CPNE4: variants seen among roughly 807,000 people sequenced by gnomAD.
CPNE4 encodes the protein copine 4.
CPNE4 carries 25 observed loss-of-function variants against 67.9 expected under a neutral mutation model. The observed-to-expected ratio is 0.37, with a 90% CI of 0.27 to 0.51. The LOEUF (loss-of-function observed/expected upper bound fraction) is 0.51. Ranked by LOEUF, CPNE4 falls within the 20% of genes least tolerant of loss-of-function variation. CPNE4 has a pLI of 0.93. For synonymous variants in CPNE4, 242 were observed against 244.9 expected (o/e 0.99, Z 0.11); for missense variants, 464 against 690.8 (o/e 0.67, Z 3.68).
At chr3:131,808,174 G>A (rs2084389821) in intron 2 of CPNE4, among the ~76,000 whole-genome samples, 1 of 151,984 alleles carries the variant, frequency 6.6e-6, no homozygotes, top group African/African-American at 2.4e-5. Context: ...TGTCCTAAAC[G>A]GAATGTCCAT....
At chr3:131,996,558 G>C (rs1486443801) in intron 1 of CPNE4, among the ~76,000 whole-genome samples, 5 of 151,884 alleles carry the variant, frequency 3.3e-5, no homozygotes. Context: ...ACACCACCAA[G>C]CCTAGCGGAG....
At chr3:131,906,218 G>GTTGTT (rs752424318) in intron 1 of CPNE4, among the ~76,000 whole-genome samples, 7 of 130,606 alleles carry the variant, frequency 5.4e-5, no homozygotes, top group South Asian at 2.4e-4. Context: ...TTTTGTTGTT[G>GTTGTT]TTGTTTTGTT....
chr3:131,596,723 G>A (rs1049570996), intron 7 of CPNE4, among the ~76,000 whole-genome samples: 15 of 149,566 alleles, frequency 1.0e-4, no homozygotes, highest in Admixed American at 2.0e-4. Context: ...CTTAAAAGCA[G>A]CACTGAGGCT....
At position 131,587,508 on chromosome 3, in the gene CPNE4, C is replaced by T. The variant is rs553114605; in HGVS notation, c.756G>A (p.Met252Ile). ...IGEFTSTFKE[M>I]RGAMEGKQVQ... is the part of the protein sequence containing the mutation. The stretch of plus-strand genomic sequence containing the variant: ...CCTGTTTCCCTTCCATTGCTCCTCT[C>T]ATCTCCTTGAATGTCGAGGTGAATT... The change falls in exon 8 of 16, where the codon ATG becomes ATA. Residue 252 changes from methionine (M) to isoleucine (I), a missense_variant. Around this residue, in one of 6 missense-constraint regions of CPNE4, gnomAD observed 26 missense variants for 24.0 expected, o/e 1.08. Transcript: ENST00000429747. The T allele has an allele frequency of 6.2e-7, 1 of 1,613,842 alleles. No homozygotes were observed. The highest frequency in any genetic ancestry group is 1.3e-5 in the African/African-American group (1 of 75,036).
At chr3:131,706,713 T>A (rs1429558895) in intron 3 of CPNE4, among the ~76,000 whole-genome samples, 1 of 152,212 alleles carries the variant, frequency 6.6e-6, no homozygotes. Flanking sequence ...TTGCCATCTT[T>A]TCTTTGACGC....
chr3:131,627,794 A>G (rs1034873965), intron 7 of CPNE4, among the ~76,000 whole-genome samples: 1 of 152,218 alleles, frequency 6.6e-6, no homozygotes, highest in Non-Finnish European at 1.5e-5. Flanking sequence ...CTAGAATTAG[A>G]AGTAGAACCT....
intron 2 of CPNE4, among the ~76,000 whole-genome samples, chr3:131,861,745 TC>T (rs142444343): frequency 0.076 from 11,617 of 152,162 alleles, 575 homozygotes; most frequent in East Asian, 0.17. Flanking sequence ...GGATATCTCA[TC>T]TTTTTAAAGG....
rs781399641 is a variant in CPNE4 at position 132,034,423 on chromosome 3, AAAC to A, written c.-2+141_-2+143del. The stretch of plus-strand genomic sequence containing the variant: ...AGACGTTGCTTGCTGCTGCTTTTTA[AAAC>A]AACAACAGCAATGACAAACGTGCAA... On this transcript the variant is annotated intron_variant, in intron 1 of 15. Transcript: ENST00000429747. The A allele has an allele frequency of 4.0e-5, 9 of 226,306 alleles. No homozygotes were observed. In the East Asian group the frequency reaches 7.3e-4, roughly 18 times the overall value. 14.0% of individuals were successfully genotyped at this position (226,306 alleles called of 1,614,324 possible).
intron 7 of CPNE4, among the ~76,000 whole-genome samples, chr3:131,610,525 C>A (rs1379267554): frequency 6.6e-6 from 1 of 152,056 alleles, no homozygotes; most frequent in Non-Finnish European, 1.5e-5. Flanking sequence ...AAATCCTTAC[C>A]AGTGACTGAC....
At chr3:131,567,947 AG>A (rs1937140264) in intron 10 of CPNE4, among the ~76,000 whole-genome samples, 1 of 152,028 alleles carries the variant, frequency 6.6e-6, no homozygotes, top group Non-Finnish European at 1.5e-5. Context: ...TCAGGCCTCT[AG>A]GGTTTCCACT....
intron 1 of CPNE4, among the ~76,000 whole-genome samples, chr3:131,976,995 T>G (rs2072675456): frequency 6.6e-6 from 1 of 151,958 alleles, no homozygotes; most frequent in Non-Finnish European, 1.5e-5. Context: ...AGAGATGGGA[T>G]TTCATCATGT....
intron 7 of CPNE4, among the ~76,000 whole-genome samples, chr3:131,664,404 A>G (rs2080207527): frequency 6.6e-6 from 1 of 152,212 alleles, no homozygotes; most frequent in African/African-American, 2.4e-5. Flanking sequence ...TAAGAGGTAC[A>G]TATTTCTGGG....
intron 2 of CPNE4, among the ~76,000 whole-genome samples, chr3:131,774,111 C>G (rs2083236266): frequency 6.6e-6 from 1 of 152,114 alleles, no homozygotes; most frequent in African/African-American, 2.4e-5. Context: ...ATAGTCATTA[C>G]TCACTTCTTC....
chr3:131,748,493 A>T (rs1429193499), intron 2 of CPNE4, among the ~76,000 whole-genome samples: 1 of 151,962 alleles, frequency 6.6e-6, no homozygotes, highest in South Asian at 2.1e-4. Context: ...TTTATTTTCT[A>T]GAAGAGATTG....
chr3:131,882,078 G>A (rs897175363), intron 2 of CPNE4, among the ~76,000 whole-genome samples: 7 of 151,904 alleles, frequency 4.6e-5, no homozygotes, highest in African/African-American at 1.2e-4. Context: ...CAAGTACAGC[G>A]ATCCTTCAGA....
intron 2 of CPNE4, among the ~76,000 whole-genome samples, chr3:131,761,210 C>CT (rs151161125): frequency 0.05 from 5,926 of 119,358 alleles, 466 homozygotes; most frequent in African/African-American, 0.16. Flanking sequence ...TCACTTCGTA[C>CT]TTTTTTTTTT....
intron 2 of CPNE4, among the ~76,000 whole-genome samples, chr3:131,781,328 A>T (rs530660560): frequency 3.3e-5 from 5 of 152,236 alleles, no homozygotes; most frequent in Non-Finnish European, 5.9e-5. Context: ...TGCAAGACAC[A>T]TTACTGTCCT....
intron 6 of CPNE4, among the ~76,000 whole-genome samples, chr3:131,678,671 T>C (rs1297735839): frequency 6.6e-6 from 1 of 152,212 alleles, no homozygotes; most frequent in African/African-American, 2.4e-5. Flanking sequence ...GTTGAAAGCC[T>C]TTTCTGCATC....
intron 3 of CPNE4, among the ~76,000 whole-genome samples, chr3:131,717,954 TCTC>T (rs1227553769): frequency 8.7e-5 from 13 of 149,548 alleles, no homozygotes; most frequent in South Asian, 2.1e-4. Context: ...TTTCTTTCTT[TCTC>T]TCTTTCTTTC....
Sources: allele counts gnomAD v4.1 joint callset (sites outside exome capture counted in the v4.1 genomes callset), GRCh38; gene constraint gnomAD v4.1.1; regional missense constraint gnomAD v4.1.1; transcripts MANE v1.5; gene names NCBI Gene and HGNC (gene_info 2026-07-23, HGNC 2026-07-21).